Variants in PPFIBP1 observed in about 807,000 individuals in gnomAD.
The protein encoded by PPFIBP1 is PPFIB scaffold protein 1.
In PPFIBP1, 112 loss-of-function variants were observed where a neutral mutation model predicts 137.8. The ratio of observed to expected loss-of-function variants is 0.81; its 90% CI spans 0.70 to 0.95. The LOEUF (loss-of-function observed/expected upper bound fraction) is 0.95, where lower values mean the gene tolerates loss of function less well. PPFIBP1 is among the 40% of genes least tolerant of loss of function. PPFIBP1 has a pLI of 0.00. For synonymous variants in PPFIBP1, 378 were observed against 417.3 expected, an observed-to-expected ratio of 0.91 and a Z score of 1.15; for missense variants, 1,083 against 1,196.6, an observed-to-expected ratio of 0.91 and a Z score of 1.40.
At chr12:27,660,781 T>A in intron 10 of PPFIBP1, 103 bp from the exon 11 acceptor site, 1 of 1,464,466 alleles carries the variant, frequency 6.8e-7, no homozygotes, top group East Asian at 2.4e-5. Context: ...AAAGAAATCA[T>A]TAACATCTTT....
At position 27,598,143 on chromosome 12, in the gene PPFIBP1, T is replaced by A. The variant is rs528878532; in HGVS notation, c.-36+19904T>A. Among the ~76,000 whole-genome samples, 24 of 152,270 alleles carry A rather than the reference T, an allele frequency of 1.6e-4. 1 individual carries two copies. In the South Asian group the frequency reaches 4.6e-3, roughly 29 times the overall value. On this transcript the variant is annotated intron_variant, in intron 2 of 29. Transcript: ENST00000228425. The stretch of plus-strand genomic sequence containing the variant: ...ATTTGTACCATTTCTCTATGATATA[T>A]TTGTAGAGATACTGTATTAGTCCAT...
chr12:27,557,495 C>T (rs971097727), intron 1 of PPFIBP1, among the ~76,000 whole-genome samples: 4 of 152,048 alleles, frequency 2.6e-5, no homozygotes, highest in African/African-American at 9.7e-5. Context: ...TTGGCACACG[C>T]CTGCTGGGAT....
intron 2 of PPFIBP1, chr12:27,584,135 CACAT>C (rs1286069063): frequency 6.6e-6 from 1 of 152,216 alleles, no homozygotes; most frequent in African/African-American, 2.4e-5. Flanking sequence ...ATACCACTTT[CACAT>C]ATGTTGTTGA....
chr12:27,652,037 G>T (rs1670046786), intron 7 of PPFIBP1, among the ~76,000 whole-genome samples: 1 of 151,792 alleles, frequency 6.6e-6, no homozygotes, highest in Non-Finnish European at 1.5e-5. Context: ...GAGCATATGT[G>T]GTAAACTTTG....
intron 4 of PPFIBP1, chr12:27,636,888 T>G (rs2139141006): frequency 6.6e-6 from 1 of 152,328 alleles, no homozygotes; most frequent in South Asian, 2.1e-4. Context: ...ACATGCCAGG[T>G]ACACTGGCCT....
At chr12:27,650,519 A>G (rs1276597381) in intron 7 of PPFIBP1, among the ~76,000 whole-genome samples, 1 of 152,218 alleles carries the variant, frequency 6.6e-6, no homozygotes, top group African/African-American at 2.4e-5. Context: ...CACACTGATT[A>G]TTTACTATGT....
intron 2 of PPFIBP1, among the ~76,000 whole-genome samples, chr12:27,586,595 A>G (rs573208271): frequency 6.0e-4 from 91 of 152,202 alleles, no homozygotes; most frequent in African/African-American, 2.1e-3. Flanking sequence ...TACTTGGGAC[A>G]CTGAGGCATG....
At chr12:27,623,378 G>T (rs1201518639) in intron 2 of PPFIBP1, among the ~76,000 whole-genome samples, 1 of 152,098 alleles carries the variant, frequency 6.6e-6, no homozygotes, top group Non-Finnish European at 1.5e-5. Context: ...TAATAATAAT[G>T]ATCGCATTTA....
intron 1 of PPFIBP1, among the ~76,000 whole-genome samples, chr12:27,550,993 T>A (rs200492412): frequency 0.28 from 26,625 of 93,800 alleles, 2,782 homozygotes; most frequent in Middle Eastern, 0.49. Context: ...ATATATATAT[T>A]TTTTTTTTTT....
intron 24 of PPFIBP1, 64 bp from the exon 25 acceptor site, chr12:27,687,321 C>G (rs1326188410): frequency 6.4e-7 from 1 of 1,554,178 alleles, no homozygotes; most frequent in Non-Finnish European, 8.7e-7. Context: ...TTCTGAGATT[C>G]CCTAAGAAAG....
intron 1 of PPFIBP1, among the ~76,000 whole-genome samples, chr12:27,558,579 G>A (rs2048896349): frequency 8.1e-6 from 1 of 123,908 alleles, no homozygotes; most frequent in African/African-American, 3.3e-5. Context: ...CTTCCTTCCT[G>A]CCCCCACCTC....
chr12:27,598,803 A>G (rs2053627282), intron 2 of PPFIBP1, among the ~76,000 whole-genome samples: 2 of 152,206 alleles, frequency 1.3e-5, no homozygotes, highest in East Asian at 1.9e-4. Context: ...GTCCTCATTA[A>G]CAATACGGCT....
chr12:27,661,622 A>T (rs2139947186), intron 11 of PPFIBP1, among the ~76,000 whole-genome samples: 1 of 152,290 alleles, frequency 6.6e-6, no homozygotes, highest in East Asian at 1.9e-4. Context: ...TGTTCAGCTG[A>T]TGTCATCAGA....
intron 4 of PPFIBP1, chr12:27,635,416 A>G: frequency 1.9e-6 from 1 of 534,528 alleles, no homozygotes; most frequent in Non-Finnish European, 3.3e-6. Context: ...TGTAAGGGAA[A>G]GAATCTTGCA....
intron 2 of PPFIBP1, among the ~76,000 whole-genome samples, chr12:27,600,454 G>C (rs114885314): frequency 6.7e-6 from 1 of 150,058 alleles, no homozygotes; most frequent in African/African-American, 2.4e-5. Flanking sequence ...AAAAAAAATA[G>C]TTAGAAGAAT....
chr12:27,638,164 T>C (rs1458977866), intron 4 of PPFIBP1, among the ~76,000 whole-genome samples: 2 of 152,186 alleles, frequency 1.3e-5, no homozygotes, highest in Non-Finnish European at 2.9e-5. Flanking sequence ...AATGTAAATG[T>C]ACTTACTACC....
chr12:27,607,126 G>A (rs950880680), intron 2 of PPFIBP1, among the ~76,000 whole-genome samples: 2 of 152,128 alleles, frequency 1.3e-5, no homozygotes, highest in African/African-American at 4.8e-5. Context: ...CTTTTACTAG[G>A]TTTTCTGTAC....
Position 27,667,569 on chromosome 12 carries a change from C to T in PPFIBP1, c.1146+249C>T, listed in dbSNP as rs191423718. On this transcript the variant is annotated intron_variant, in intron 13 of 29. Coordinates refer to ENST00000228425, the MANE Select transcript of PPFIBP1 (RefSeq NM_003622.4). ...GGAGAGGAGTAAACAGTTATACACTCCTTACTTTGCATCAAACTGGCAGGA... is the reference window on the plus strand; with the variant it reads ...GGAGAGGAGTAAACAGTTATACACTTCTTACTTTGCATCAAACTGGCAGGA... Among the ~76,000 whole-genome samples the T allele has an allele frequency of 3.3e-5, 5 of 152,346 alleles. No homozygotes were observed. In the East Asian group the frequency reaches 9.6e-4, roughly 29 times the overall value.
At chr12:27,581,984 ATG>A (rs61548314) in intron 2 of PPFIBP1, among the ~76,000 whole-genome samples, 2 of 150,736 alleles carry the variant, frequency 1.3e-5, no homozygotes, top group Admixed American at 6.6e-5. Flanking sequence ...GTGTGTACGT[ATG>A]TGTGTGTGTG....
Sources: gnomAD v4.1 joint callset for allele counts (sites outside exome capture counted in the v4.1 genomes callset) on GRCh38, gnomAD v4.1.1 for gene constraint, MANE v1.5 for transcripts, NCBI Gene and HGNC (gene_info 2026-07-23, HGNC 2026-07-21) for gene names.